SLC37A1: variants seen among roughly 807,000 people sequenced by gnomAD.
SLC37A1 encodes the protein glucose-6-phosphate exchanger SLC37A1.
In SLC37A1, 49 loss-of-function variants were observed where a neutral mutation model predicts 75.3. The observed-to-expected ratio is 0.65, with a 90% confidence interval of 0.52 to 0.83. The LOEUF (loss-of-function observed/expected upper bound fraction) is 0.83, where lower values mean the gene tolerates loss of function less well. Among genes scored for constraint, SLC37A1 ranks in the 40% least tolerant of loss-of-function variants. The pLI, the probability that SLC37A1 is intolerant of heterozygous loss-of-function variation, is 0.00. For missense variants in SLC37A1, 566 were observed against 695.0 expected (o/e 0.81, Z 2.09); for synonymous variants, 268 against 292.1 (o/e 0.92, Z 0.84).
intron 13 of SLC37A1, 121 bp downstream of exon 13, chr21:42,563,998 A>T (rs1007631608): frequency 8.8e-7 from 1 of 1,138,578 alleles, no homozygotes. Context: ...GAGTGGGCCC[A>T]GCCCAAGAGG....
intron 1 of SLC37A1, among the ~76,000 whole-genome samples, chr21:42,517,395 TAGAAG>T (rs1487952898): frequency 1.3e-5 from 2 of 152,252 alleles, no homozygotes; most frequent in East Asian, 3.9e-4. Context: ...CTGGAGCAGA[TAGAAG>T]AGATGAGGGG....
intron 6 of SLC37A1, 121 bp from the exon 7 acceptor site, chr21:42,542,283 T>C: frequency 1.5e-6 from 1 of 655,928 alleles, no homozygotes; most frequent in South Asian, 2.0e-5. Flanking sequence ...AAATTGACAG[T>C]CCATCTCTGG....
intron 9 of SLC37A1, among the ~76,000 whole-genome samples, chr21:42,551,759 T>A (rs1053498824): frequency 6.6e-6 from 1 of 152,256 alleles, no homozygotes; most frequent in Non-Finnish European, 1.5e-5. Flanking sequence ...GTTAATTTAA[T>A]GTGCCTCTTA....
chr21:42,545,846 C>T lies in SLC37A1; in HGVS notation c.731-1257C>T, dbSNP rs1014125597. Among the ~76,000 whole-genome samples, 2 of 152,274 alleles carry T rather than the reference C, an allele frequency of 1.3e-5. No homozygotes were observed. Among genetic ancestry groups the T allele is most frequent in the Non-Finnish European group, 2.9e-5 (2 of 68,050 alleles). Reference sequence around the variant, plus strand: ...CAGTGGCCTCGCCCTATGGGCTGTGCCCAGGACAGGAGGGCGACGCACCCC... The same window carrying T: ...CAGTGGCCTCGCCCTATGGGCTGTGTCCAGGACAGGAGGGCGACGCACCCC... On this transcript the variant is annotated intron_variant, in intron 8 of 19. Transcript: ENST00000352133. The surrounding 1 kb of genome is among the most constrained non-coding windows in gnomAD (Gnocchi z 4.0).
chr21:42,528,415 C>T (rs1296473897), intron 3 of SLC37A1, among the ~76,000 whole-genome samples: 1 of 152,220 alleles, frequency 6.6e-6, no homozygotes, highest in African/African-American at 2.4e-5. Context: ...GAAAAGAAAC[C>T]TGAAAGCAGA....
At chr21:42,534,543 G>T (rs1033030261) in intron 3 of SLC37A1, among the ~76,000 whole-genome samples, 155 bp from the exon 4 acceptor site, 5 of 152,168 alleles carry the variant, frequency 3.3e-5, no homozygotes, top group African/African-American at 1.2e-4. Flanking sequence ...CAGACACACC[G>T]CCAGCAGCGC....
chr21:42,519,729 G>C (rs1412745169), intron 2 of SLC37A1, among the ~76,000 whole-genome samples: 1 of 152,222 alleles, frequency 6.6e-6, no homozygotes, highest in Non-Finnish European at 1.5e-5. Context: ...TCTTCAACCA[G>C]ATTGCTTCTC....
rs186459786 is a variant in SLC37A1 at position 42,559,639 on chromosome 21, G to A, written c.981+550G>A. Among the ~76,000 whole-genome samples the A allele has an allele frequency of 5.3e-3, 809 of 152,382 alleles. 4 individuals are homozygous for A. The highest frequency in any genetic ancestry group is 8.4e-3 in the Non-Finnish European group (573 of 68,034). On this transcript the variant is annotated intron_variant, in intron 11 of 19. Transcript: ENST00000352133. Reference sequence around the variant, plus strand: ...GCCTATAATCCCAGCACTTTGGGAGGCCGAGGCAGGCAGATCACCTGAGGT... The same window carrying A: ...GCCTATAATCCCAGCACTTTGGGAGACCGAGGCAGGCAGATCACCTGAGGT...
Position 42,543,287 on chromosome 21 carries a change from G to T in SLC37A1, c.564-149G>T, listed in dbSNP as rs2055326738. 16 of 886,176 alleles carry T rather than the reference G, an allele frequency of 1.8e-5. No homozygotes were observed. In the South Asian group the frequency reaches 2.2e-4, roughly 12 times the overall value. 54.9% of individuals were successfully genotyped at this position (886,176 alleles called of 1,614,324 possible). On this transcript the variant is annotated intron_variant, in intron 7 of 19. Coordinates refer to ENST00000352133, the MANE Select transcript of SLC37A1 (RefSeq NM_001320537.2). The stretch of plus-strand genomic sequence containing the variant: ...ACATCAGCTCTCGTGAGCATCGCGA[G>T]TCCTGCATGGCACAGAAGCAGGGTC...
At position 42,534,680 on chromosome 21, in the gene SLC37A1, C is replaced by T; in HGVS notation, c.139-18C>T. ...GGGCACTTCCTCTCCCTGCTTCTGC[C>T]CTCCCATCACGTCCCAGGGTGAGCT... On this transcript the variant is annotated intron_variant, in intron 3 of 19. Coordinates refer to ENST00000352133, the MANE Select transcript of SLC37A1 (RefSeq NM_001320537.2). The T allele has an allele frequency of 6.2e-7, 1 of 1,602,396 alleles. No homozygotes were observed. Among genetic ancestry groups the T allele is most frequent in the Non-Finnish European group, 8.5e-7 (1 of 1,171,756 alleles).
chr21:42,571,095 C>A (rs1327996277), intron 17 of SLC37A1, among the ~76,000 whole-genome samples: 1 of 152,192 alleles, frequency 6.6e-6, no homozygotes, highest in African/African-American at 2.4e-5. Flanking sequence ...TCAGGCCTAC[C>A]CACCCCCACC....
In SLC37A1 at chr21:42,515,574, G is replaced by T. The variant is rs537371811; in HGVS notation, c.-179+857G>T. Among the ~76,000 whole-genome samples, 6 of 152,274 alleles carry T rather than the reference G, an allele frequency of 3.9e-5. No individual in the cohort carries two copies. In the East Asian group the frequency reaches 1.2e-3, roughly 29 times the overall value. ...GGGTGGGTCTGGGAGTGGAGCTTGT[G>T]AATGTTTCTTTCCTCAGCTTATTCT... is the stretch of plus-strand genomic sequence containing the variant. On this transcript the variant is annotated intron_variant, in intron 1 of 19. Transcript: ENST00000352133.
intron 3 of SLC37A1, among the ~76,000 whole-genome samples, chr21:42,530,639 C>CAT (rs2054931544): frequency 3.1e-5 from 1 of 32,560 alleles, no homozygotes; most frequent in East Asian, 3.6e-4. Context: ...CACACACACA[C>CAT]ACACACACAC....
intron 6 of SLC37A1, among the ~76,000 whole-genome samples, chr21:42,540,829 A>C (rs1050263775): frequency 2.0e-5 from 3 of 152,244 alleles, no homozygotes; most frequent in Admixed American, 2.0e-4. Flanking sequence ...GGCTATTTTA[A>C]TTACAAAAGC....
intron 5 of SLC37A1, among the ~76,000 whole-genome samples, chr21:42,535,945 A>G (rs996557450): frequency 6.6e-6 from 1 of 152,256 alleles, no homozygotes; most frequent in Non-Finnish European, 1.5e-5. Flanking sequence ...ATCTGTTTAT[A>G]TGCCCCAAAT....
intron 1 of SLC37A1, among the ~76,000 whole-genome samples, chr21:42,517,379 T>C (rs901941421): frequency 3.3e-5 from 5 of 152,178 alleles, no homozygotes; most frequent in Non-Finnish European, 5.9e-5. Context: ...AAAGGTGTAG[T>C]TCTGGCTGGA....
chr21:42,512,948 G>A (rs1317739775), upstream of SLC37A1, among the ~76,000 whole-genome samples: 4 of 152,252 alleles, frequency 2.6e-5, no homozygotes, highest in Non-Finnish European at 4.4e-5. Flanking sequence ...AACGTGCCTG[G>A]GGAAGGGTGC....
chr21:42,577,713 C>T (rs548549263), intron 18 of SLC37A1, among the ~76,000 whole-genome samples: 1 of 152,298 alleles, frequency 6.6e-6, no homozygotes, highest in South Asian at 2.1e-4. Flanking sequence ...AGCATGCCAG[C>T]AACACAGTGA....
At chr21:42,554,230 A>G (rs1462694840) in intron 10 of SLC37A1, 88 bp downstream of exon 10, 4 of 1,090,624 alleles carry the variant, frequency 3.7e-6, no homozygotes, top group East Asian at 2.5e-5. Context: ...CCCTCTGCCT[A>G]TGTGACATGT....
Sources: gnomAD v4.1 joint callset for allele counts (sites outside exome capture counted in the v4.1 genomes callset) on GRCh38, gnomAD v4.1.1 for gene constraint, Gnocchi (gnomAD v3.1) non-coding constraint, MANE v1.5 for transcripts, NCBI Gene and HGNC (gene_info 2026-07-23, HGNC 2026-07-21) for gene names.